PHLPP1: variants seen among roughly 807,000 people sequenced by gnomAD.
PHLPP1 encodes the protein PH domain and leucine rich repeat protein phosphatase 1.
In PHLPP1, 42 loss-of-function variants were observed where a neutral mutation model predicts 117.2. That is an observed-to-expected ratio of 0.36 (90% CI 0.28 to 0.46). The LOEUF (loss-of-function observed/expected upper bound fraction) is 0.46, where lower values mean the gene tolerates loss of function less well. Among genes scored for constraint, PHLPP1 ranks in the 20% least tolerant of loss-of-function variants. The pLI, the probability that PHLPP1 is intolerant of heterozygous loss-of-function variation, is 1.00. For synonymous variants in PHLPP1, 1,042 were observed against 970.7 expected (o/e 1.07, Z -1.37); for missense variants, 2,084 against 2,241.9 (o/e 0.93, Z 1.42).
At chr18:62,913,715 C>G (rs913822587) in intron 8 of PHLPP1, among the ~76,000 whole-genome samples, 1 of 150,564 alleles carries the variant, frequency 6.6e-6, no homozygotes, top group Admixed American at 6.6e-5. Flanking sequence ...GTTAAAGACA[C>G]CATTAGTTTA....
rs183895296 is a variant in PHLPP1 at position 62,898,522 on chromosome 18, G to T, written c.2444+2511G>T. ...TTTGCTCAGAGCCTGCGGTTCTCTA[G>T]TTCAAGGTACTCAAGCCCTCATATT... is the stretch of plus-strand genomic sequence containing the variant. On this transcript the variant is annotated intron_variant, in intron 6 of 16. Transcript: ENST00000262719. Among the ~76,000 whole-genome samples, 3 of 152,222 alleles carry T rather than the reference G, an allele frequency of 2.0e-5. No homozygotes were observed. In the East Asian group the frequency reaches 5.8e-4, roughly 29 times the overall value.
chr18:62,895,632 C>T, intron 5 of PHLPP1, 149 bp from the exon 6 acceptor site: 4 of 604,834 alleles, frequency 6.6e-6, no homozygotes, highest in Non-Finnish European at 5.9e-6. Context: ...CTCTTTGGTC[C>T]ATTATTGCCT....
chr18:62,869,543 G>A (rs904143732), intron 4 of PHLPP1, among the ~76,000 whole-genome samples: 10 of 152,162 alleles, frequency 6.6e-5, no homozygotes, highest in African/African-American at 2.4e-4. Flanking sequence ...AGAACATCAT[G>A]AAGTAGTTTC....
rs539526131 is a variant in PHLPP1 at position 62,881,623 on chromosome 18, A to C, written c.2067-13388A>C. On this transcript the variant is annotated intron_variant, in intron 4 of 16. Coordinates refer to ENST00000262719, the MANE Select transcript of PHLPP1 (RefSeq NM_194449.4). ...TAGGATGATTTGTTTATTTTGGCTC[A>C]AGTGTTGACAAGCTGGTTGCATGCC... 2.0e-5 allele frequency among the ~76,000 whole-genome samples: 3 copies of C among 152,304 alleles called. No individual in the cohort carries two copies. In the South Asian group the frequency reaches 6.2e-4, roughly 32 times the overall value.
At chr18:62,852,313 T>G (rs886244129) in intron 3 of PHLPP1, among the ~76,000 whole-genome samples, 1 of 152,124 alleles carries the variant, frequency 6.6e-6, no homozygotes, top group Non-Finnish European at 1.5e-5. Context: ...TATTGGAACA[T>G]TATGAAGATA....
chr18:62,722,290 G>T (rs767926420), intron 1 of PHLPP1, among the ~76,000 whole-genome samples: 9 of 152,150 alleles, frequency 5.9e-5, no homozygotes, highest in Admixed American at 3.3e-4. Flanking sequence ...GTCAAATGAG[G>T]CATCTTAGAT....
At chr18:62,817,060 G>C (rs1237291218) in intron 1 of PHLPP1, among the ~76,000 whole-genome samples, 2 of 152,158 alleles carry the variant, frequency 1.3e-5, no homozygotes, top group Non-Finnish European at 2.9e-5. Context: ...TGCAACCTCA[G>C]CCTCCAGAGT....
intron 1 of PHLPP1, among the ~76,000 whole-genome samples, chr18:62,808,781 T>C (rs1914030050): frequency 6.6e-6 from 1 of 152,168 alleles, no homozygotes. Context: ...CTCAAACTCC[T>C]TACCTCAGGT....
chr18:62,938,994 C>CTTTCTTTCTTT lies in PHLPP1; in HGVS notation c.2961-2721_2961-2720insCTTTCTTTTTT, dbSNP rs368316862. ...GTCTTTTTTCTTTCTTTCTTTCTTT[C>CTTTCTTTCTTT]TTTTTTTTTTTTTGAGCCGGAGTTT... On this transcript the variant is annotated intron_variant, in intron 10 of 16. Transcript: ENST00000262719. Among the ~76,000 whole-genome samples the CTTTCTTTCTTT allele has an allele frequency of 3.7e-3, 478 of 128,670 alleles. 6 individuals carry two copies. The highest frequency in any genetic ancestry group is 0.013 in the African/African-American group (450 of 34,112). 84.4% of individuals were successfully genotyped at this position (128,670 alleles called of 152,430 possible).
intron 1 of PHLPP1, among the ~76,000 whole-genome samples, chr18:62,719,555 A>G (rs184013092): frequency 6.6e-6 from 1 of 152,350 alleles, no homozygotes; most frequent in African/African-American, 2.4e-5. Flanking sequence ...GGACACCTCA[A>G]CAGGACAGAG....
At chr18:62,811,986 A>G (rs893809819) in intron 1 of PHLPP1, among the ~76,000 whole-genome samples, 1 of 152,178 alleles carries the variant, frequency 6.6e-6, no homozygotes, top group Non-Finnish European at 1.5e-5. Flanking sequence ...ATTTTTGTTT[A>G]TAAAAGACTA....
intron 1 of PHLPP1, among the ~76,000 whole-genome samples, chr18:62,743,531 A>G (rs1489966994): frequency 6.6e-6 from 1 of 152,148 alleles, no homozygotes; most frequent in Non-Finnish European, 1.5e-5. Context: ...CCATACAGAA[A>G]TACTCCTTTG....
intron 1 of PHLPP1, among the ~76,000 whole-genome samples, chr18:62,798,482 G>A (rs1366414745): frequency 6.6e-6 from 1 of 152,020 alleles, no homozygotes; most frequent in African/African-American, 2.4e-5. Context: ...GATAGTTTAC[G>A]GGAGTTGACT....
chr18:62,739,195 T>C (rs973276923), intron 1 of PHLPP1, among the ~76,000 whole-genome samples: 1 of 152,098 alleles, frequency 6.6e-6, no homozygotes, highest in African/African-American at 2.4e-5. Context: ...TTGAATGAAA[T>C]TGTTAGAGTG....
intron 1 of PHLPP1, among the ~76,000 whole-genome samples, chr18:62,813,781 C>CT (rs1211066033): frequency 2.0e-5 from 3 of 152,172 alleles, no homozygotes; most frequent in Admixed American, 6.5e-5. Context: ...GGTTTGAAGC[C>CT]TTTCGTTCTA....
intron 1 of PHLPP1, among the ~76,000 whole-genome samples, chr18:62,817,784 A>G (rs1486861360): frequency 2.0e-5 from 3 of 152,174 alleles, no homozygotes; most frequent in Non-Finnish European, 4.4e-5. Context: ...AGTGATAAAA[A>G]GAAAAAAATC....
chr18:62,913,874 G>A (rs1460709072), intron 8 of PHLPP1, among the ~76,000 whole-genome samples: 1 of 151,546 alleles, frequency 6.6e-6, no homozygotes, highest in Non-Finnish European at 1.5e-5. Context: ...CTCCTGAGTA[G>A]CTGGGATTAT....
Position 62,815,447 on chromosome 18 carries a change from G to A in PHLPP1, c.1577-14588G>A, listed in dbSNP as rs565884742. On this transcript the variant is annotated intron_variant, in intron 1 of 16. Coordinates refer to ENST00000262719, the MANE Select transcript of PHLPP1 (RefSeq NM_194449.4). Reference sequence around the variant, plus strand: ...GCTGGGATTACAGGCTTGAGCCACCGCGCCCGGCCTTGAGGATGTTTCTAA... The same window carrying A: ...GCTGGGATTACAGGCTTGAGCCACCACGCCCGGCCTTGAGGATGTTTCTAA... Among the ~76,000 whole-genome samples, 5 of 152,142 alleles carry A rather than the reference G, an allele frequency of 3.3e-5. No individual in the cohort carries two copies. The East Asian group carries it at 5.8e-4, about 18-fold the overall frequency.
At chr18:62,827,244 T>C (rs1210709838) in intron 1 of PHLPP1, among the ~76,000 whole-genome samples, 1 of 152,202 alleles carries the variant, frequency 6.6e-6, no homozygotes, top group Admixed American at 6.6e-5. Flanking sequence ...TTTTTCCTCC[T>C]GGATCATGTA....
Sources: allele counts gnomAD v4.1 joint callset (sites outside exome capture counted in the v4.1 genomes callset), GRCh38; gene constraint gnomAD v4.1.1; transcripts MANE v1.5; gene names NCBI Gene and HGNC (gene_info 2026-07-23, HGNC 2026-07-21).